Variants in KLB observed in about 807,000 individuals in gnomAD.
The protein encoded by KLB is klotho beta, also known as beta-klotho.
KLB carries 44 observed loss-of-function variants against 88.4 expected under a neutral mutation model. The observed-to-expected ratio is 0.50, with a 90% CI of 0.39 to 0.64. The LOEUF is 0.64. Among genes scored for constraint, KLB ranks in the 30% least tolerant of loss-of-function variants. The probability of loss-of-function intolerance (pLI) is 0.00; values close to 1 mark genes in which losing one functional copy is unlikely to be tolerated. For synonymous variants in KLB, 548 were observed against 513.4 expected (o/e 1.07, Z -0.91); for missense variants, 1,137 against 1,304.8 (o/e 0.87, Z 1.98).
At chr4:39,420,997 A>G (rs1472144260) in intron 1 of KLB, among the ~76,000 whole-genome samples, 1 of 152,248 alleles carries the variant, frequency 6.6e-6, no homozygotes, top group Admixed American at 6.5e-5. Flanking sequence ...ATATGTACAC[A>G]TAACATATAC....
chr4:39,447,923 G>C (rs1327554254), intron 4 of KLB, among the ~76,000 whole-genome samples: 1 of 152,222 alleles, frequency 6.6e-6, no homozygotes, highest in Non-Finnish European at 1.5e-5. Flanking sequence ...AAAACCAACT[G>C]TGATTCCTGG....
chr4:39,444,798 T>G (rs1743698693), intron 3 of KLB, among the ~76,000 whole-genome samples: 1 of 152,220 alleles, frequency 6.6e-6, no homozygotes, highest in Non-Finnish European at 1.5e-5. Flanking sequence ...GGATTTAACT[T>G]CATGCTCACA....
rs934761417 is a variant in KLB at position 39,434,538 on chromosome 4, T to C, written c.1154T>C (p.Met385Thr). Reference sequence around the variant, plus strand: ...AACAACTTCAAGCCCCTAAACACCATGGCTAAAATGGGACAAAATGTTTCA... The same window carrying C: ...AACAACTTCAAGCCCCTAAACACCACGGCTAAAATGGGACAAAATGTTTCA... ...GPNNFKPLNT[M>T]AKMGQNVSLN... Residue 385 changes from methionine (M) to threonine (T), a missense_variant, in exon 2 of 5, where the codon ATG becomes ACG. By Grantham distance (81) the Met-to-Thr change is moderately conservative. This residue lies in a region of KLB where 597 missense variants were observed against 765.2 expected (regional missense o/e 0.78). Coordinates refer to ENST00000257408, the MANE Select transcript of KLB (RefSeq NM_175737.4). 6.2e-7 allele frequency: 1 copy of C among 1,614,180 alleles called. No homozygotes were observed. Among genetic ancestry groups the C allele is most frequent in the African/African-American group, 1.3e-5 (1 of 75,066 alleles).
chr4:39,436,956 C>T (rs930245512), intron 2 of KLB, among the ~76,000 whole-genome samples: 5 of 152,120 alleles, frequency 3.3e-5, no homozygotes, highest in African/African-American at 1.2e-4. Flanking sequence ...GTGATCCACC[C>T]ACCTCAGCCT....
At position 39,447,267 on chromosome 4, in the gene KLB, C is replaced by T. The variant is rs1311447485; in HGVS notation, c.2541C>T (p.Ile847=). 2 of 1,614,034 alleles carry T rather than the reference C, an allele frequency of 1.2e-6. No homozygotes were observed. Among genetic ancestry groups the T allele is most frequent in the African/African-American group, 2.7e-5 (2 of 74,948 alleles). ...GCCGCTACGACTCGGACAGGGACAT[C>T]CAGTTTCTGCAGGACATCACCCGCC... ...AGSRYDSDRD[I]QFLQDITRLS... The change falls in exon 4 of 5, where the codon ATC becomes ATT. Residue 847 remains isoleucine, a synonymous_variant. Transcript: ENST00000257408.
chr4:39,413,645 G>T (rs1578200908), intron 1 of KLB, among the ~76,000 whole-genome samples: 1 of 151,922 alleles, frequency 6.6e-6, no homozygotes, highest in East Asian at 1.9e-4. Flanking sequence ...GATCACTTAA[G>T]CCCGGGAGGT....
chr4:39,423,184 A>C lies in KLB; in HGVS notation c.826-11026A>C, dbSNP rs184240891. Reference sequence around the variant, plus strand: ...TGACATCAGTGAGGAAAATAATCCAACGCTAACGTTACTGGTTTTAGGAGA... The same window carrying C: ...TGACATCAGTGAGGAAAATAATCCACCGCTAACGTTACTGGTTTTAGGAGA... On this transcript the variant is annotated intron_variant, in intron 1 of 4. Coordinates refer to ENST00000257408, the MANE Select transcript of KLB (RefSeq NM_175737.4). Among the ~76,000 whole-genome samples, 313 of 151,956 alleles carry C rather than the reference A, an allele frequency of 2.1e-3. 19 individuals carry two copies. The highest frequency in any genetic ancestry group is 7.2e-3 in the African/African-American group (295 of 41,212).
rs569088594 is a variant in KLB at position 39,423,971 on chromosome 4, C to T, written c.826-10239C>T. 6.6e-5 allele frequency among the ~76,000 whole-genome samples: 10 copies of T among 151,840 alleles called. No homozygotes were observed. The South Asian group carries it at 2.1e-3, about 32-fold the overall frequency. On this transcript the variant is annotated intron_variant, in intron 1 of 4. Coordinates refer to ENST00000257408, the MANE Select transcript of KLB (RefSeq NM_175737.4). ...GAGGATTGCTTGAGTTTGAGACCAG[C>T]CTGGGCAACATAGTGAGACCCTGTC... is the stretch of plus-strand genomic sequence containing the variant.
At chr4:39,435,552 A>G (rs1184523238) in intron 2 of KLB, among the ~76,000 whole-genome samples, 2 of 151,950 alleles carry the variant, frequency 1.3e-5, no homozygotes, top group Non-Finnish European at 2.9e-5. Context: ...CAGCCTCCCG[A>G]GTAGCTGGGA....
Position 39,449,022 on chromosome 4 carries a change from T to A in KLB, c.*336T>A, listed in dbSNP as rs539724692. ...AGCTACTTGTGGTACAATAAATTATTTTTAAGAAGTAAAACTCTGGGGCTG... is the reference window on the plus strand; with the variant it reads ...AGCTACTTGTGGTACAATAAATTATATTTAAGAAGTAAAACTCTGGGGCTG... On this transcript the variant is annotated 3_prime_UTR_variant, in exon 5 of 5. Transcript: ENST00000257408. 5.0e-6 allele frequency: 1 copy of A among 198,916 alleles called. No homozygotes were observed. The highest frequency in any genetic ancestry group is 1.0e-5 in the Non-Finnish European group (1 of 97,098). 12.3% of individuals were successfully genotyped at this position (198,916 alleles called of 1,614,324 possible).
At chr4:39,431,122 G>A (rs1309493450) in intron 1 of KLB, among the ~76,000 whole-genome samples, 1 of 139,766 alleles carries the variant, frequency 7.2e-6, no homozygotes, top group East Asian at 2.1e-4. Context: ...TAGATACGGG[G>A]TTTCGTCATG....
At position 39,434,469 on chromosome 4, in the gene KLB, A is replaced by G; in HGVS notation, c.1085A>G (p.Glu362Gly). The G allele has an allele frequency of 6.2e-7, 1 of 1,614,242 alleles. No individual in the cohort carries two copies. Among genetic ancestry groups the G allele is most frequent in the Admixed American group, 1.7e-5 (1 of 60,018 alleles). ...LPIFSEAEKH[E>G]MRGTADFFAF... ...ATTTTCTCTGAAGCAGAGAAGCATGAGATGAGAGGCACAGCTGATTTCTTT... is the reference window on the plus strand; with the variant it reads ...ATTTTCTCTGAAGCAGAGAAGCATGGGATGAGAGGCACAGCTGATTTCTTT... The change falls in exon 2 of 5, where the codon GAG becomes GGG. Residue 362 changes from glutamate to glycine, a missense_variant. Transcript: ENST00000257408.
intron 1 of KLB, among the ~76,000 whole-genome samples, chr4:39,415,134 A>C (rs955587484): frequency 3.9e-4 from 60 of 151,972 alleles, no homozygotes; most frequent in African/African-American, 1.4e-3. Flanking sequence ...GCTGGTCTCG[A>C]ACTCTGGGCC....
chr4:39,440,706 T>C (rs1370263968), intron 3 of KLB, among the ~76,000 whole-genome samples: 2 of 152,060 alleles, frequency 1.3e-5, no homozygotes, highest in African/African-American at 2.4e-5. Flanking sequence ...TACAGGCGCC[T>C]GCCACCCTGC....
chr4:39,407,321 G>T lies in KLB; in HGVS notation c.372G>T (p.Thr124=). The change falls in exon 1 of 5, where the codon ACG becomes ACT. Residue 124 remains threonine, a synonymous_variant. Transcript: ENST00000257408. ...CACACCTTAAAAATGTCAGCAGCAC[G>T]AATGGTTCCAGTGACAGTTATATTT... is the stretch of plus-strand genomic sequence containing the variant. The part of the protein sequence containing the change: ...IHTHLKNVSS[T]NGSSDSYIFL... 1 of 1,614,140 alleles carries T rather than the reference G, an allele frequency of 6.2e-7. No individual in the cohort carries two copies. Among genetic ancestry groups the T allele is most frequent in the Non-Finnish European group, 8.5e-7 (1 of 1,180,014 alleles).
intron 1 of KLB, among the ~76,000 whole-genome samples, chr4:39,425,522 C>A (rs1286732027): frequency 1.3e-5 from 2 of 152,148 alleles, no homozygotes; most frequent in African/African-American, 4.8e-5. Context: ...CTCACTACAG[C>A]CTTGACCTGC....
At chr4:39,437,381 G>T (rs1241521771) in intron 2 of KLB, among the ~76,000 whole-genome samples, 2 of 152,058 alleles carry the variant, frequency 1.3e-5, no homozygotes, top group African/African-American at 4.8e-5. Flanking sequence ...AGAAACTCTT[G>T]GTCATGAGCA....
chr4:39,421,661 A>G (rs1382817300), intron 1 of KLB, among the ~76,000 whole-genome samples: 1 of 152,136 alleles, frequency 6.6e-6, no homozygotes, highest in Non-Finnish European at 1.5e-5. Context: ...AGACTGACGC[A>G]GGAGAATTGC....
intron 1 of KLB, among the ~76,000 whole-genome samples, chr4:39,429,488 T>C (rs555512903): frequency 3.3e-5 from 5 of 152,344 alleles, no homozygotes; most frequent in African/African-American, 1.2e-4. Context: ...AATGAGATAT[T>C]AGGTCCTGGT....
Sources: gnomAD v4.1 joint callset for allele counts (sites outside exome capture counted in the v4.1 genomes callset) on GRCh38, gnomAD v4.1.1 for gene constraint, gnomAD v4.1.1 regional missense constraint, MANE v1.5 for transcripts, NCBI Gene and HGNC (gene_info 2026-07-23, HGNC 2026-07-21) for gene names.